The following EYS variants were observed in gnomAD, a reference collection of about 807,000 sequenced individuals.
The protein encoded by EYS is EGF-like photoreceptor maintenance factor, also known as protein eyes shut homolog.
Under a neutral mutation model 282.1 loss-of-function variants are expected in EYS, and 250 were observed. The ratio of observed to expected loss-of-function variants is 0.89; its 90% CI spans 0.80 to 0.98. EYS has a LOEUF of 0.98. Among genes scored for constraint, EYS ranks in the 50% least tolerant of loss-of-function variants. EYS has a pLI of 0.00. For synonymous variants in EYS, 1,355 were observed against 1,282.9 expected (o/e 1.06, Z -1.20); for missense variants, 4,016 against 3,709.0 (o/e 1.08, Z -2.15).
At chr6:65,334,870 A>G (rs1769923612) in intron 11 of EYS, 110 bp downstream of exon 11, 1 of 988,342 alleles carries the variant, frequency 1.0e-6, no homozygotes, top group Non-Finnish European at 1.6e-6. Flanking sequence ...TGGAAATTCC[A>G]ATCATTTTAA....
intron 19 of EYS, among the ~76,000 whole-genome samples, chr6:64,866,634 T>C (rs1429681737): frequency 1.5e-5 from 2 of 130,648 alleles, no homozygotes; most frequent in Non-Finnish European, 3.3e-5. Context: ...TCATTCCTGC[T>C]ATTAGAGTTC....
chr6:65,594,838 G>C (rs1045224073), intron 2 of EYS, among the ~76,000 whole-genome samples: 1 of 151,998 alleles, frequency 6.6e-6, no homozygotes, highest in Non-Finnish European at 1.5e-5. Flanking sequence ...ACTAATTTTT[G>C]TATAAGGTGT....
At chr6:65,218,660 T>A (rs539248) in intron 12 of EYS, among the ~76,000 whole-genome samples, 43,705 of 151,934 alleles carry the variant, frequency 0.29, 6,910 homozygotes, top group African/African-American at 0.42. Flanking sequence ...GGCCTAAGTC[T>A]TTACTCTAGC....
chr6:64,470,083 C>T (rs1436951702), intron 26 of EYS, among the ~76,000 whole-genome samples: 3 of 152,098 alleles, frequency 2.0e-5, no homozygotes, highest in Non-Finnish European at 4.4e-5. Flanking sequence ...TTATCCTGCC[C>T]CTTTGTCTTG....
At chr6:63,895,654 C>A (rs1184960039) in intron 35 of EYS, among the ~76,000 whole-genome samples, 1 of 152,166 alleles carries the variant, frequency 6.6e-6, no homozygotes, top group Non-Finnish European at 1.5e-5. Flanking sequence ...TTCCAACCAC[C>A]TCATCACATA....
Position 64,878,364 on chromosome 6 carries a change from C to T in EYS, c.2992+8333G>A, listed in dbSNP as rs146223532. ...GCGTATAGTTTGGTAGTTGTTAGTG[C>T]GAAGATAAAGAAGCTTTCTTCTGAT... On this transcript the variant is annotated intron_variant, in intron 19 of 42. Transcript: ENST00000503581. Among the ~76,000 whole-genome samples the T allele has an allele frequency of 5.1e-4, 78 of 152,012 alleles. 1 individual carries two copies. Among genetic ancestry groups the T allele is most frequent in the African/African-American group, 1.7e-3 (69 of 41,470 alleles).
At chr6:64,624,108 T>A (rs1255905843) in intron 23 of EYS, among the ~76,000 whole-genome samples, 1 of 152,134 alleles carries the variant, frequency 6.6e-6, no homozygotes, top group African/African-American at 2.4e-5. Flanking sequence ...GTCAAAGGTA[T>A]CAGCAGATTT....
At chr6:64,276,752 T>C (rs1470070869) in intron 30 of EYS, among the ~76,000 whole-genome samples, 2 of 152,138 alleles carry the variant, frequency 1.3e-5, no homozygotes, top group East Asian at 1.9e-4. Flanking sequence ...TTCCTTGCCA[T>C]AGAAAATAGG....
At chr6:63,892,641 C>G (rs59178556) in intron 35 of EYS, among the ~76,000 whole-genome samples, 3 of 151,918 alleles carry the variant, frequency 2.0e-5, no homozygotes, top group African/African-American at 4.8e-5. Flanking sequence ...AAGAAAACCT[C>G]GGCAATACCA....
intron 32 of EYS, among the ~76,000 whole-genome samples, chr6:64,069,378 T>A (rs527813291): frequency 6.6e-6 from 1 of 152,196 alleles, no homozygotes; most frequent in African/African-American, 2.4e-5. Context: ...TATATTTTAC[T>A]ATTTTTGAGT....
At chr6:64,820,390 T>C (rs967935898) in intron 21 of EYS, among the ~76,000 whole-genome samples, 1 of 152,088 alleles carries the variant, frequency 6.6e-6, no homozygotes, top group African/African-American at 2.4e-5. Context: ...AATACAAAAC[T>C]AAGAATATGA....
chr6:65,207,597 C>T (rs774531237), intron 12 of EYS, among the ~76,000 whole-genome samples: 4 of 151,444 alleles, frequency 2.6e-5, no homozygotes, highest in African/African-American at 4.8e-5. Context: ...AGAACAAAGC[C>T]GGAGACATCA....
chr6:64,025,992 G>A (rs1352937619), intron 33 of EYS, among the ~76,000 whole-genome samples: 1 of 152,178 alleles, frequency 6.6e-6, no homozygotes, highest in Non-Finnish European at 1.5e-5. Flanking sequence ...ACAGGCAAGG[G>A]TGCAGGTTTT....
chr6:64,949,975 C>T (rs994087470), intron 14 of EYS, among the ~76,000 whole-genome samples: 2 of 151,866 alleles, frequency 1.3e-5, no homozygotes, highest in Non-Finnish European at 2.9e-5. Context: ...CTAGATCTAA[C>T]AACGTCAAAG....
chr6:65,328,887 T>C (rs1208471507), intron 11 of EYS, among the ~76,000 whole-genome samples: 1 of 151,260 alleles, frequency 6.6e-6, no homozygotes, highest in Non-Finnish European at 1.5e-5. Flanking sequence ...ACTGTTGCAT[T>C]AATATGGTCA....
At chr6:64,271,862 C>A (rs1767951156) in intron 30 of EYS, among the ~76,000 whole-genome samples, 1 of 151,768 alleles carries the variant, frequency 6.6e-6, no homozygotes, top group African/African-American at 2.4e-5. Context: ...TTTTTTGAGA[C>A]AGAGTCTCAC....
At chr6:65,439,384 G>T (rs1046808847) in intron 5 of EYS, among the ~76,000 whole-genome samples, 2 of 152,062 alleles carry the variant, frequency 1.3e-5, no homozygotes, top group Non-Finnish European at 2.9e-5. Flanking sequence ...ATTCTGTGGA[G>T]AAACTCATTG....
At chr6:65,628,150 C>G (rs1261035779) in intron 2 of EYS, among the ~76,000 whole-genome samples, 3 of 152,182 alleles carry the variant, frequency 2.0e-5, no homozygotes, top group African/African-American at 7.2e-5. Flanking sequence ...CTTGGAGAAC[C>G]TTTATGTCTA....
chr6:64,514,033 A>C (rs1219185801), intron 26 of EYS, among the ~76,000 whole-genome samples: 1 of 151,690 alleles, frequency 6.6e-6, no homozygotes, highest in East Asian at 1.9e-4. Context: ...AATAATTACG[A>C]TGCCTTTTAA....
Sources: gnomAD v4.1 joint callset for allele counts (sites outside exome capture counted in the v4.1 genomes callset) on GRCh38, gnomAD v4.1.1 for gene constraint, MANE v1.5 for transcripts, NCBI Gene and HGNC (gene_info 2026-07-23, HGNC 2026-07-21) for gene names.